The following IRF4 variants were observed in gnomAD, a reference collection of about 807,000 sequenced individuals.
IRF4 encodes lymphocyte-specific interferon regulatory factor.
A neutral mutation model predicts 55.5 loss-of-function variants in IRF4; 13 were observed. That is an observed-to-expected ratio of 0.23 (90% confidence interval 0.15 to 0.37). IRF4 has a LOEUF of 0.37. IRF4 is among the 10% of genes least tolerant of loss of function. The probability of loss-of-function intolerance (pLI) is 1.00; values close to 1 mark genes in which losing one functional copy is unlikely to be tolerated. For missense variants in IRF4, 397 were observed against 593.8 expected, an observed-to-expected ratio of 0.67 and a Z score of 3.44; for synonymous variants, 249 against 240.7, an observed-to-expected ratio of 1.03 and a Z score of -0.32.
chr6:394,358 T>C (rs1041851122), intron 2 of IRF4, among the ~76,000 whole-genome samples: 2 of 152,180 alleles, frequency 1.3e-5, no homozygotes, highest in African/African-American at 4.8e-5. Context: ...GGAAAATCAT[T>C]TTCCTAGAGC....
At chr6:404,881 G>T in intron 7 of IRF4, 137 bp from the exon 8 acceptor site, 1 of 611,606 alleles carries the variant, frequency 1.6e-6, no homozygotes, top group Non-Finnish European at 2.9e-6. Flanking sequence ...CACATCAAGA[G>T]CCCCACTCAG....
At chr6:400,458 A>G (rs1326275441) in intron 6 of IRF4, among the ~76,000 whole-genome samples, 1 of 152,194 alleles carries the variant, frequency 6.6e-6, no homozygotes, top group Non-Finnish European at 1.5e-5. Context: ...AGTTTCAGAG[A>G]GCGCAGTTTT....
Position 393,311 on chromosome 6 carries a change from C to CT in IRF4, c.160dup (p.Trp54LeufsTer25). On this transcript the variant is annotated frameshift_variant, in exon 2 of 9. Coordinates refer to ENST00000380956, the MANE Select transcript of IRF4 (RefSeq NM_002460.4). LOFTEE classifies it high-confidence loss of function. The surrounding 1 kb of genome is among the most constrained non-coding windows in gnomAD (Gnocchi z 5.4). ...AGGAGAAGAGCATCTTCCGCATCCCCTGGAAGCACGCGGGCAAGCAGGACT... is the reference window on the plus strand; with the variant it reads ...AGGAGAAGAGCATCTTCCGCATCCCCTTGGAAGCACGCGGGCAAGCAGGACT... The CT allele has an allele frequency of 6.2e-7, 1 of 1,608,560 alleles. No homozygotes were observed. Among genetic ancestry groups the CT allele is most frequent in the Non-Finnish European group, 8.5e-7 (1 of 1,177,870 alleles).
chr6:404,701 T>C (rs1013014898), intron 7 of IRF4, among the ~76,000 whole-genome samples: 2 of 152,258 alleles, frequency 1.3e-5, no homozygotes, highest in Non-Finnish European at 2.9e-5. Flanking sequence ...GTTCTTTATC[T>C]CCCGACTTCA....
At chr6:400,498 C>T (rs1216187358) in intron 6 of IRF4, among the ~76,000 whole-genome samples, 2 of 151,904 alleles carry the variant, frequency 1.3e-5, no homozygotes, top group Non-Finnish European at 2.9e-5. Flanking sequence ...AACACAAAGC[C>T]CAGTGGGAAT....
At chr6:396,486 G>A (rs1761261919) in intron 4 of IRF4, among the ~76,000 whole-genome samples, 1 of 152,250 alleles carries the variant, frequency 6.6e-6, no homozygotes. Flanking sequence ...TGCTTCGGCT[G>A]TCAGTCTAAT....
In IRF4 at chr6:409,006, CA is replaced by C. The variant is rs1324341630; in HGVS notation, c.*1409del. On this transcript the variant is annotated 3_prime_UTR_variant, in exon 9 of 9. Transcript: ENST00000380956. ...TTTTTGTGGTTTTGAGAAAGTACAG[CA>C]GTAGACTGGGGCGTCACCTCCAGGC... 4 of 223,648 alleles carry C rather than the reference CA, an allele frequency of 1.8e-5. No individual in the cohort carries two copies. Among genetic ancestry groups the C allele is most frequent in the Non-Finnish European group, 3.6e-5 (4 of 112,020 alleles). The allele number at this position is 223,648 out of a possible 1,614,324, so 13.9% of individuals were successfully genotyped here.
At chr6:391,866 G>A (rs754332546) in intron 1 of IRF4, 57 bp downstream of exon 1, 1 of 454,304 alleles carries the variant, frequency 2.2e-6, no homozygotes, top group Non-Finnish European at 4.4e-6. Flanking sequence ...GAGAGGACCC[G>A]GAGCGCGAAC....
At position 407,590 on chromosome 6, in the gene IRF4, C is replaced by T; in HGVS notation, c.1348C>T (p.Gln450Ter). The T allele has an allele frequency of 6.4e-7, 1 of 1,566,810 alleles. No homozygotes were observed. The highest frequency in any genetic ancestry group is 8.7e-7 in the Non-Finnish European group (1 of 1,149,472). Residue 450 changes from glutamine (Q) to a stop codon, truncating the protein, a stop_gained, in exon 9 of 9, where the codon CAA becomes TAA. Transcript: ENST00000380956. LOFTEE classifies it high-confidence loss of function. ...YHRSIRHSSI[Q>*]E Reference sequence around the variant, plus strand: ...CAGATCTATCCGCCATTCCTCTATTCAAGAATGAAAAATGTCAAGATGAGT... The same window carrying T: ...CAGATCTATCCGCCATTCCTCTATTTAAGAATGAAAAATGTCAAGATGAGT...
At chr6:397,971 C>G (rs1761308930) in intron 5 of IRF4, among the ~76,000 whole-genome samples, 1 of 152,162 alleles carries the variant, frequency 6.6e-6, no homozygotes, top group Non-Finnish European at 1.5e-5. Flanking sequence ...GCAATTTGGC[C>G]TTTTTTTCCC....
chr6:394,249 G>C (rs1202311082), intron 2 of IRF4, among the ~76,000 whole-genome samples: 6 of 152,128 alleles, frequency 3.9e-5, no homozygotes. Context: ...TCAGACACTG[G>C]GTGGGTAGAG....
At chr6:398,418 A>G (rs1026151619) in intron 5 of IRF4, among the ~76,000 whole-genome samples, 5 of 152,242 alleles carry the variant, frequency 3.3e-5, no homozygotes, top group African/African-American at 1.2e-4. Flanking sequence ...AAGCAAAATA[A>G]AAATGGACTA....
Position 408,231 on chromosome 6 carries a change from A to G in IRF4, c.*633A>G, listed in dbSNP as rs1159243708. 14 of 232,848 alleles carry G rather than the reference A, an allele frequency of 6.0e-5. No homozygotes were observed. Among genetic ancestry groups the G allele is most frequent in the Non-Finnish European group, 1.1e-4 (13 of 117,710 alleles). The allele number at this position is 232,848 out of a possible 1,614,324, so 14.4% of individuals were successfully genotyped here. A position where few individuals can be genotyped will look rare whatever the true frequency, so the allele number is the denominator to read the frequency against. On this transcript the variant is annotated 3_prime_UTR_variant, in exon 9 of 9. Coordinates refer to ENST00000380956, the MANE Select transcript of IRF4 (RefSeq NM_002460.4). Reference sequence around the variant, plus strand: ...GTAAATTGAAGAAGCCTCACACGTAAAAGAAATGTATTAATGTATGTAGGA... The same window carrying G: ...GTAAATTGAAGAAGCCTCACACGTAGAAGAAATGTATTAATGTATGTAGGA...
Position 397,116 on chromosome 6 carries a change from C to T in IRF4, c.501C>T (p.His167=). 1 of 1,614,240 alleles carries T rather than the reference C, an allele frequency of 6.2e-7. No homozygotes were observed. Among genetic ancestry groups the T allele is most frequent in the Non-Finnish European group, 8.5e-7 (1 of 1,180,040 alleles). Residue 167 remains histidine (H), a synonymous_variant, in exon 5 of 9, where the codon CAC becomes CAT. Coordinates refer to ENST00000380956, the MANE Select transcript of IRF4 (RefSeq NM_002460.4). ...PYPSLPAQQV[H]NYMMPPLDRS... ...CTCCTGCACTCCTTTAGCAGGTTCA[C>T]AACTACATGATGCCACCCCTCGACC...
rs535433083 is a variant in IRF4 at position 395,688 on chromosome 6, A to G, written c.404-159A>G. Among the ~76,000 whole-genome samples, 4 of 152,366 alleles carry G rather than the reference A, an allele frequency of 2.6e-5. No homozygotes were observed. The South Asian group carries it at 6.2e-4, about 24-fold the overall frequency. On this transcript the variant is annotated intron_variant, in intron 3 of 8. Transcript: ENST00000380956. Reference sequence around the variant, plus strand: ...AAAATCAGTTTAATAGCATGAAAAAATAACTTCCCAAGGGAGTTGCTGAAA... The same window carrying G: ...AAAATCAGTTTAATAGCATGAAAAAGTAACTTCCCAAGGGAGTTGCTGAAA...
rs1184958357 is a variant in IRF4 at position 410,429 on chromosome 6, G to C, written c.*2831G>C. ...AGTCGCCCTACAGAAAACCCAGCTAGACTATTGGGTATGAACTAAAAAGAG... is the reference window on the plus strand; with the variant it reads ...AGTCGCCCTACAGAAAACCCAGCTACACTATTGGGTATGAACTAAAAAGAG... On this transcript the variant is annotated 3_prime_UTR_variant, in exon 9 of 9. Transcript: ENST00000380956. 4.4e-6 allele frequency: 1 copy of C among 229,390 alleles called. No homozygotes were observed. Among genetic ancestry groups the C allele is most frequent in the Non-Finnish European group, 8.7e-6 (1 of 115,518 alleles). 14.2% of individuals were successfully genotyped at this position (229,390 alleles called of 1,614,324 possible).
chr6:400,461 G>A (rs79222543), intron 6 of IRF4, among the ~76,000 whole-genome samples: 3 of 152,124 alleles, frequency 2.0e-5, no homozygotes, highest in East Asian at 3.8e-4. Flanking sequence ...TTCAGAGAGC[G>A]CAGTTTTAGA....
In IRF4 at chr6:398,864, C is replaced by T; in HGVS notation, c.674C>T (p.Pro225Leu). The T allele has an allele frequency of 1.2e-6, 2 of 1,613,768 alleles. No individual in the cohort carries two copies. The highest frequency in any genetic ancestry group is 8.5e-7 in the Non-Finnish European group (1 of 1,179,858). ...ACAGGAACCTTTTATGCTTGTGCCC[C>T]ACCTGAGTCCCAGGCTCCCGGAGTC... ...QVTGTFYACA[P>L]PESQAPGVPT... The change falls in exon 6 of 9, where the codon CCA (proline) becomes CTA (leucine). Residue 225 changes from proline to leucine, a missense_variant. Around this residue, in one of 3 missense-constraint regions of IRF4, gnomAD observed 341 missense variants for 548.1 expected, o/e 0.62. Coordinates refer to ENST00000380956, the MANE Select transcript of IRF4 (RefSeq NM_002460.4).
In IRF4 at chr6:410,816, C is replaced by T. The variant is rs928904558; in HGVS notation, c.*3218C>T. 3.0e-5 allele frequency: 7 copies of T among 232,140 alleles called. No individual in the cohort carries two copies. The highest frequency in any genetic ancestry group is 1.5e-4 in the African/African-American group (7 of 45,278). 14.4% of individuals were successfully genotyped at this position (232,140 alleles called of 1,614,324 possible). ...TTGGTTAAGGTCTTTATTTGTATTA[C>T]GTATCTCCCCAAGTCCTCTGTGGCC... On this transcript the variant is annotated 3_prime_UTR_variant, in exon 9 of 9. Transcript: ENST00000380956.
Sources: allele counts gnomAD v4.1 joint callset (sites outside exome capture counted in the v4.1 genomes callset), GRCh38; gene constraint gnomAD v4.1.1; regional missense constraint gnomAD v4.1.1; non-coding constraint Gnocchi (gnomAD v3.1); transcripts MANE v1.5; gene names NCBI Gene and HGNC (gene_info 2026-07-23, HGNC 2026-07-21).